Variants in SRPK2 observed in about 807,000 individuals in gnomAD.
SRPK2 encodes SRSF protein kinase 2, also known as SFRS protein kinase 2.
SRPK2 carries 21 observed loss-of-function variants against 90.8 expected under a neutral mutation model. That is an observed-to-expected ratio of 0.23 (90% CI 0.16 to 0.33). The LOEUF is 0.33. SRPK2 is among the 10% of genes least tolerant of loss of function. The pLI is 1.00. For synonymous variants in SRPK2, 288 were observed against 311.1 expected, an observed-to-expected ratio of 0.93 and a Z score of 0.78; for missense variants, 620 against 869.0, an observed-to-expected ratio of 0.71 and a Z score of 3.60.
chr7:105,232,090 G>A (rs1351401627), intron 2 of SRPK2, among the ~76,000 whole-genome samples: 1 of 152,144 alleles, frequency 6.6e-6, no homozygotes, highest in African/African-American at 2.4e-5. Flanking sequence ...CTGGGCTTAA[G>A]CAATCCTCTT....
At chr7:105,308,829 T>G (rs757610762) in intron 2 of SRPK2, among the ~76,000 whole-genome samples, 12 of 152,164 alleles carry the variant, frequency 7.9e-5, no homozygotes, top group Non-Finnish European at 1.0e-4. Context: ...TACTTAAAAC[T>G]CCACGAAAAC....
intron 2 of SRPK2, among the ~76,000 whole-genome samples, chr7:105,305,033 C>T (rs1810991753): frequency 6.6e-6 from 1 of 152,198 alleles, no homozygotes; most frequent in Non-Finnish European, 1.5e-5. Flanking sequence ...TCTAGAACCA[C>T]AGCAATAAAT....
intron 7 of SRPK2, among the ~76,000 whole-genome samples, chr7:105,160,012 G>C (rs947845028): frequency 1.2e-4 from 18 of 152,208 alleles, no homozygotes; most frequent in Non-Finnish European, 2.5e-4. Context: ...CAAATTCCAA[G>C]TACACAATAA....
Position 105,142,112 on chromosome 7 carries a change from G to C in SRPK2, c.1439C>G (p.Ser480Cys), listed in dbSNP as rs199752301. 1.2e-6 allele frequency: 2 copies of C among 1,614,052 alleles called. No homozygotes were observed. The highest frequency in any genetic ancestry group is 1.7e-6 in the Non-Finnish European group (2 of 1,180,032). The change falls in exon 11 of 16, where the codon TCT becomes TGT. Residue 480 changes from serine to cysteine, a missense_variant. Physicochemically the swap from Ser to Cys is moderately radical, Grantham distance 112 (BLOSUM62 -1). This residue lies in a region of SRPK2 where 243 missense variants were observed against 245.7 expected (regional missense o/e 0.99). Coordinates refer to ENST00000393651, the MANE Select transcript of SRPK2 (RefSeq NM_182692.3). ...SGSLEPVACG[S>C]VLSEGSPLTE... ...AAGTGGTGATCCCTCAGAAAGCACA[G>C]AGCCGCAGGCCACAGGTTCTAAGGA...
At position 105,362,036 on chromosome 7, in the gene SRPK2, C is replaced by T. The variant is rs185153941; in HGVS notation, c.71+26612G>A. ...AAAGAAACTACCATCAGAGTGAACA[C>T]GCACTACAGAATGGGAGAAAATTTT... On this transcript the variant is annotated intron_variant, in intron 2 of 15. Transcript: ENST00000393651. Among the ~76,000 whole-genome samples the T allele has an allele frequency of 1.9e-4, 29 of 152,090 alleles. 1 individual carries two copies. The highest frequency in any genetic ancestry group is 1.7e-3 in the Admixed American group (26 of 15,258).
chr7:105,117,610 C>T lies in SRPK2; in HGVS notation c.*228G>A, dbSNP rs1000117008. ...AATGCTTAGAGACATGTTATTGTTT[C>T]CAGAAGAAAATGGTCAGTAAACTAC... On this transcript the variant is annotated 3_prime_UTR_variant, in exon 16 of 16. Coordinates refer to ENST00000393651, the MANE Select transcript of SRPK2 (RefSeq NM_182692.3). 7 of 543,926 alleles carry T rather than the reference C, an allele frequency of 1.3e-5. No individual in the cohort carries two copies. Among genetic ancestry groups the T allele is most frequent in the African/African-American group, 9.6e-5 (5 of 52,004 alleles). 33.7% of individuals were successfully genotyped at this position (543,926 alleles called of 1,614,324 possible). A position where few individuals can be genotyped will look rare whatever the true frequency, so the allele number is the denominator to read the frequency against.
At chr7:105,245,034 A>AAC (rs58717493) in intron 2 of SRPK2, 10,713 of 522,684 alleles carry the variant, frequency 0.02, 158 homozygotes, top group African/African-American at 0.081. Context: ...AAACAAAACA[A>AAC]ACACACACAC....
intron 7 of SRPK2, among the ~76,000 whole-genome samples, chr7:105,154,094 C>T (rs1175731221): frequency 6.6e-6 from 1 of 152,218 alleles, no homozygotes; most frequent in Non-Finnish European, 1.5e-5. Flanking sequence ...CGTCCTTACC[C>T]ACATTGTCCT....
chr7:105,202,779 T>C (rs1795719399), intron 3 of SRPK2, among the ~76,000 whole-genome samples: 2 of 152,216 alleles, frequency 1.3e-5, no homozygotes, highest in Non-Finnish European at 1.5e-5. Context: ...GGAAAGAATC[T>C]TTCTCTGTAA....
chr7:105,255,789 G>A (rs937611096), intron 2 of SRPK2, among the ~76,000 whole-genome samples: 1 of 152,020 alleles, frequency 6.6e-6, no homozygotes, highest in African/African-American at 2.4e-5. Context: ...AAAATTAGCT[G>A]GACGTGCTGG....
intron 3 of SRPK2, among the ~76,000 whole-genome samples, chr7:105,183,441 A>G (rs1451481340): frequency 6.6e-6 from 1 of 152,168 alleles, no homozygotes; most frequent in Non-Finnish European, 1.5e-5. Context: ...AATGGTTAAC[A>G]TATCAGATCG....
intron 7 of SRPK2, among the ~76,000 whole-genome samples, chr7:105,155,726 T>C (rs1361989988): frequency 1.3e-5 from 2 of 152,140 alleles, no homozygotes; most frequent in Non-Finnish European, 2.9e-5. Flanking sequence ...TTTGTCACAA[T>C]GGTGGGATTT....
At chr7:105,121,425 A>C (rs553521660) in intron 15 of SRPK2, among the ~76,000 whole-genome samples, 42 of 152,288 alleles carry the variant, frequency 2.8e-4, no homozygotes, top group African/African-American at 9.6e-4. Flanking sequence ...TGTTTCACTG[A>C]AACAAGTTTT....
chr7:105,158,166 T>G (rs1455186570), intron 7 of SRPK2, among the ~76,000 whole-genome samples: 1 of 152,254 alleles, frequency 6.6e-6, no homozygotes, highest in Non-Finnish European at 1.5e-5. Flanking sequence ...ATTTTCATCT[T>G]TCAACTTACA....
At chr7:105,292,523 A>AAAAG (rs1809187468) in intron 2 of SRPK2, among the ~76,000 whole-genome samples, 1 of 147,288 alleles carries the variant, frequency 6.8e-6, no homozygotes, top group Non-Finnish European at 1.5e-5. Context: ...AAAAAAAAAA[A>AAAAG]GAGCATAATA....
intron 2 of SRPK2, among the ~76,000 whole-genome samples, chr7:105,264,204 A>T (rs1265881427): frequency 9.9e-5 from 15 of 152,142 alleles, no homozygotes; most frequent in Admixed American, 9.8e-4. Context: ...TTCTCTCTTC[A>T]TCTGGTACCT....
rs905456955 is a variant in SRPK2 at position 105,229,245 on chromosome 7, C to T, written c.72-25460G>A. Among the ~76,000 whole-genome samples the T allele has an allele frequency of 1.1e-3, 162 of 152,250 alleles. 1 individual carries two copies. The highest frequency in any genetic ancestry group is 3.7e-3 in the African/African-American group (153 of 41,546). ...TTGGGAGGCCGTCGCGGGCAGATCA[C>T]GAGGTCAGGAGATCGAGACCATCCT... On this transcript the variant is annotated intron_variant, in intron 2 of 15. Transcript: ENST00000393651.
At position 105,160,426 on chromosome 7, in the gene SRPK2, T is replaced by C. The variant is rs1807442811; in HGVS notation, c.621+81A>G. 13 of 762,016 alleles carry C rather than the reference T, an allele frequency of 1.7e-5. No homozygotes were observed. In the South Asian group the frequency reaches 1.9e-4, roughly 11 times the overall value. 47.2% of individuals were successfully genotyped at this position (762,016 alleles called of 1,614,324 possible). ...TGCACTGATACATATGTAATACATATACATATTTGTAAACAGCATTCATGT... is the reference window on the plus strand; with the variant it reads ...TGCACTGATACATATGTAATACATACACATATTTGTAAACAGCATTCATGT... On this transcript the variant is annotated intron_variant, in intron 7 of 15. Coordinates refer to ENST00000393651, the MANE Select transcript of SRPK2 (RefSeq NM_182692.3).
chr7:105,138,929 T>A (rs1803283686), intron 11 of SRPK2, among the ~76,000 whole-genome samples: 1 of 152,260 alleles, frequency 6.6e-6, no homozygotes, highest in Admixed American at 6.5e-5. Flanking sequence ...TATCCTAATA[T>A]GTGTAGCATG....
Sources: gnomAD v4.1 joint callset for allele counts (sites outside exome capture counted in the v4.1 genomes callset) on GRCh38, gnomAD v4.1.1 for gene constraint, gnomAD v4.1.1 regional missense constraint, MANE v1.5 for transcripts, NCBI Gene and HGNC (gene_info 2026-07-23, HGNC 2026-07-21) for gene names.